The following MBOAT2 variants were observed in gnomAD, a reference collection of about 807,000 sequenced individuals.
MBOAT2 encodes the protein membrane-bound glycerophospholipid O-acyltransferase 2.
Under a neutral mutation model 63.4 loss-of-function variants are expected in MBOAT2, and 28 were observed. That is an observed-to-expected ratio of 0.44 (90% CI 0.33 to 0.61). The LOEUF is 0.61. Ranked by LOEUF, MBOAT2 falls within the 20% of genes least tolerant of loss-of-function variation. The pLI, the probability that MBOAT2 is intolerant of heterozygous loss-of-function variation, is 0.03. For missense variants in MBOAT2, 470 were observed against 605.8 expected (o/e 0.78, Z 2.35); for synonymous variants, 211 against 215.6 (o/e 0.98, Z 0.19).
chr2:8,945,411 T>C (rs765228226), intron 2 of MBOAT2, among the ~76,000 whole-genome samples: 11 of 152,182 alleles, frequency 7.2e-5, no homozygotes, highest in African/African-American at 2.6e-4. Flanking sequence ...TTTTCAGGAT[T>C]AAGAGATAAT....
At chr2:8,996,515 A>G (rs928850456) in intron 1 of MBOAT2, among the ~76,000 whole-genome samples, 4 of 152,174 alleles carry the variant, frequency 2.6e-5, no homozygotes, top group African/African-American at 9.7e-5. Flanking sequence ...GCAGGAGATG[A>G]GAGGATGGGA....
chr2:8,896,625 A>G (rs1664497120), intron 4 of MBOAT2, among the ~76,000 whole-genome samples: 1 of 152,150 alleles, frequency 6.6e-6, no homozygotes, highest in Non-Finnish European at 1.5e-5. Context: ...TATTAATAAG[A>G]CCTTGTTCAG....
At position 8,858,805 on chromosome 2, in the gene MBOAT2, C is replaced by T. The variant is rs1337565835; in HGVS notation, c.1437G>A (p.Gln479=). 1 of 1,614,014 alleles carries T rather than the reference C, an allele frequency of 6.2e-7. No individual in the cohort carries two copies. The highest frequency in any genetic ancestry group is 8.5e-7 in the Non-Finnish European group (1 of 1,179,956). The change falls in exon 13 of 13, where the codon CAG becomes CAA. Residue 479 remains glutamine, a synonymous_variant. Transcript: ENST00000305997. ...QRRKNTHENI[Q]LSQSKKFDEG... ...CATCAAACTTTTTGGATTGTGAGAG[C>T]TGAATGTTTTCATGTGTATTCTTTC...
At chr2:8,994,404 G>C (rs1184963696) in intron 1 of MBOAT2, among the ~76,000 whole-genome samples, 1 of 152,234 alleles carries the variant, frequency 6.6e-6, no homozygotes, top group Non-Finnish European at 1.5e-5. Flanking sequence ...AGAAGGCAGT[G>C]GAGAGGGGCG....
At chr2:8,877,413 C>A (rs1662775502) in intron 6 of MBOAT2, among the ~76,000 whole-genome samples, 200 bp from the exon 7 acceptor site, 1 of 152,206 alleles carries the variant, frequency 6.6e-6, no homozygotes, top group Non-Finnish European at 1.5e-5. Flanking sequence ...CTATACAGAT[C>A]CTTATGAGCA....
At chr2:8,861,086 A>C (rs1661460206) in intron 11 of MBOAT2, 1 of 161,180 alleles carries the variant, frequency 6.2e-6, no homozygotes, top group African/African-American at 2.4e-5. Context: ...ATTAAAATAA[A>C]AGTTTCCAAA....
chr2:8,920,069 T>A (rs1666468406), intron 3 of MBOAT2, among the ~76,000 whole-genome samples: 1 of 152,136 alleles, frequency 6.6e-6, no homozygotes, highest in Admixed American at 6.6e-5. Context: ...CTCAGACAAT[T>A]TTTTTCTTTA....
chr2:8,987,757 G>C (rs531961318), intron 1 of MBOAT2, among the ~76,000 whole-genome samples: 1 of 152,054 alleles, frequency 6.6e-6, no homozygotes, highest in Non-Finnish European at 1.5e-5. Flanking sequence ...CTCACAACGT[G>C]GTGGCTGCGT....
chr2:8,871,305 A>T (rs1662312972), intron 8 of MBOAT2, among the ~76,000 whole-genome samples: 1 of 152,176 alleles, frequency 6.6e-6, no homozygotes, highest in African/African-American at 2.4e-5. Context: ...CCTAATGATA[A>T]ATCTTGTATA....
At chr2:8,904,965 T>C (rs1665223067) in intron 4 of MBOAT2, among the ~76,000 whole-genome samples, 1 of 152,194 alleles carries the variant, frequency 6.6e-6, no homozygotes, top group Admixed American at 6.5e-5. Context: ...AATCAACATT[T>C]TAAATGTATC....
intron 1 of MBOAT2, among the ~76,000 whole-genome samples, chr2:9,000,866 TAAG>T (rs1672634483): frequency 6.6e-6 from 1 of 152,252 alleles, no homozygotes; most frequent in South Asian, 2.1e-4. Context: ...TTTACTTTAT[TAAG>T]TTTTTAATTC....
In MBOAT2 at chr2:8,994,535, C is replaced by G. The variant is rs551671109; in HGVS notation, c.75+9005G>C. ...TCCAGAGCAAAGGAGAGAGGCAGAT[C>G]AGGAATACCAGGGGCCTCTCTTCTC... On this transcript the variant is annotated intron_variant, in intron 1 of 12. Transcript: ENST00000305997. 2.6e-5 allele frequency among the ~76,000 whole-genome samples: 4 copies of G among 152,312 alleles called. No individual in the cohort carries two copies. In the South Asian group the frequency reaches 8.3e-4, roughly 32 times the overall value.
intron 8 of MBOAT2, among the ~76,000 whole-genome samples, chr2:8,869,294 A>C (rs1372905376): frequency 7.2e-6 from 1 of 139,270 alleles, no homozygotes; most frequent in African/African-American, 2.7e-5. Flanking sequence ...CCATCTTCCC[A>C]CCTTGGCCTC....
In MBOAT2 at chr2:8,855,366, C is replaced by T. The variant is rs568504832; in HGVS notation, c.*3313G>A. The T allele has an allele frequency of 6.6e-6, 1 of 152,300 alleles. No homozygotes were observed. The highest frequency in any genetic ancestry group is 2.1e-4 in the South Asian group (1 of 4,826). 9.4% of individuals were successfully genotyped at this position (152,300 alleles called of 1,614,324 possible). On this transcript the variant is annotated 3_prime_UTR_variant, in exon 13 of 13. Coordinates refer to ENST00000305997, the MANE Select transcript of MBOAT2 (RefSeq NM_138799.4). ...TCTTAAGTCTCATGAAAGGCAGAAC[C>T]AGAATGAAGATCCAGGTCTCCTCCT...
intron 3 of MBOAT2, among the ~76,000 whole-genome samples, chr2:8,914,791 G>A (rs989457288): frequency 2.6e-5 from 4 of 151,896 alleles, no homozygotes; most frequent in African/African-American, 9.7e-5. Flanking sequence ...TGAAGACTAA[G>A]TATAAAAACA....
At chr2:8,950,423 GTTT>G (rs1225468119) in intron 2 of MBOAT2, among the ~76,000 whole-genome samples, 1 of 151,970 alleles carries the variant, frequency 6.6e-6, no homozygotes, top group Non-Finnish European at 1.5e-5. Flanking sequence ...CTTCCAGTTT[GTTT>G]TTTGTTTGTT....
At position 8,925,428 on chromosome 2, in the gene MBOAT2, T is replaced by A. The variant is rs1316242352; in HGVS notation, c.300-16712A>T. ...ACTATGTGGGTTACAGTTCTTTACA[T>A]CCCATATTTTGGTTCATAAGACAAC... On this transcript the variant is annotated intron_variant, in intron 3 of 12. Transcript: ENST00000305997. Among the ~76,000 whole-genome samples the A allele has an allele frequency of 1.3e-5, 2 of 152,214 alleles. 1 individual carries two copies. Among genetic ancestry groups the A allele is most frequent in the South Asian group, 4.1e-4 (2 of 4,830 alleles).
intron 1 of MBOAT2, among the ~76,000 whole-genome samples, chr2:9,002,945 C>T (rs960972133): frequency 2.0e-5 from 3 of 152,208 alleles, no homozygotes; most frequent in Non-Finnish European, 2.9e-5. Context: ...CAAACTGTTG[C>T]CTCTGTCTCT....
intron 3 of MBOAT2, among the ~76,000 whole-genome samples, chr2:8,936,257 C>G (rs1276975982): frequency 6.6e-6 from 1 of 152,154 alleles, no homozygotes; most frequent in Non-Finnish European, 1.5e-5. Context: ...GTAATGTTCC[C>G]AACTCAACTG....
Sources: gnomAD v4.1 joint callset for allele counts (sites outside exome capture counted in the v4.1 genomes callset) on GRCh38, gnomAD v4.1.1 for gene constraint, MANE v1.5 for transcripts, NCBI Gene and HGNC (gene_info 2026-07-23, HGNC 2026-07-21) for gene names.